Variants in ABHD12 observed in about 807,000 individuals in gnomAD.
ABHD12 encodes abhydrolase domain containing 12, lysophospholipase.
A neutral mutation model predicts 58.3 loss-of-function variants in ABHD12; 43 were observed. The observed-to-expected ratio is 0.74, with a 90% CI of 0.58 to 0.95. ABHD12 has a LOEUF of 0.95. Among genes scored for constraint, ABHD12 ranks in the 40% least tolerant of loss-of-function variants. The pLI, the probability that ABHD12 is intolerant of heterozygous loss-of-function variation, is 0.00. For synonymous variants in ABHD12, 219 were observed against 211.2 expected (o/e 1.04, Z -0.32); for missense variants, 539 against 537.2 (o/e 1.00, Z -0.03).
At position 25,300,797 on chromosome 20, in the gene ABHD12, A is replaced by C; in HGVS notation, c.*48T>G. 1 of 1,613,782 alleles carries C rather than the reference A, an allele frequency of 6.2e-7. No homozygotes were observed. The highest frequency in any genetic ancestry group is 1.1e-5 in the South Asian group (1 of 91,060). On this transcript the variant is annotated 3_prime_UTR_variant, in exon 13 of 13. Coordinates refer to ENST00000339157, the MANE Select transcript of ABHD12 (RefSeq NM_001042472.3). ...GGATACCGGGCTGCTGACTGGAGGA[A>C]AACGGGAGGAGGGCAGAGGTCTTCA... is the stretch of plus-strand genomic sequence containing the variant.
chr20:25,323,936 C>T (rs543844339), intron 2 of ABHD12, among the ~76,000 whole-genome samples: 1 of 152,306 alleles, frequency 6.6e-6, no homozygotes, highest in East Asian at 1.9e-4. Context: ...GGGTGGCAAA[C>T]AAGGTAAAGG....
rs547613634 is a variant in ABHD12 at position 25,386,710 on chromosome 20, G to A, written c.191+3803C>T. Reference sequence around the variant, plus strand: ...AGCCTGGTCAACATGGCAAAATCCCGTCTCCATTAAAAATACAAAAATTAG... The same window carrying A: ...AGCCTGGTCAACATGGCAAAATCCCATCTCCATTAAAAATACAAAAATTAG... On this transcript the variant is annotated intron_variant, in intron 1 of 12. Transcript: ENST00000339157. Among the ~76,000 whole-genome samples the A allele has an allele frequency of 9.9e-5, 15 of 152,000 alleles. No homozygotes were observed. In the East Asian group the frequency reaches 2.1e-3, roughly 22 times the overall value.
At chr20:25,341,068 C>G (rs1404922855) in intron 1 of ABHD12, among the ~76,000 whole-genome samples, 1 of 152,240 alleles carries the variant, frequency 6.6e-6, no homozygotes, top group Non-Finnish European at 1.5e-5. Context: ...ATATGCACAT[C>G]CGATAATGTA....
At chr20:25,304,350 AGAGGCTCTG>A (rs1398590561) in intron 10 of ABHD12, among the ~76,000 whole-genome samples, 1 of 152,218 alleles carries the variant, frequency 6.6e-6, no homozygotes, top group African/African-American at 2.4e-5. Context: ...CCCTCTCACC[AGAGGCTCTG>A]GAGGAAGCGG....
At chr20:25,340,675 A>T (rs2089443150) in intron 1 of ABHD12, among the ~76,000 whole-genome samples, 1 of 152,252 alleles carries the variant, frequency 6.6e-6, no homozygotes, top group Admixed American at 6.5e-5. Context: ...CCACATATTG[A>T]ACTGCTGATA....
chr20:25,307,061 G>T (rs1292715167), intron 9 of ABHD12, 146 bp from the exon 10 acceptor site: 2 of 686,052 alleles, frequency 2.9e-6, no homozygotes, highest in East Asian at 5.6e-5. Context: ...CATTGCCAAG[G>T]GGCCACCAGA....
chr20:25,299,903 G>GTGT (rs1192574946), downstream of ABHD12, among the ~76,000 whole-genome samples: 1 of 152,204 alleles, frequency 6.6e-6, no homozygotes, highest in East Asian at 1.9e-4. Flanking sequence ...CGTAGGAAAA[G>GTGT]TGTTTTGTAG....
intron 1 of ABHD12, among the ~76,000 whole-genome samples, chr20:25,382,576 C>T (rs1463782726): frequency 2.0e-5 from 3 of 152,100 alleles, no homozygotes; most frequent in Admixed American, 6.6e-5. Flanking sequence ...GTTGCAGCAG[C>T]GGGAGTCTGA....
chr20:25,327,792 T>C (rs1242341165), intron 2 of ABHD12, among the ~76,000 whole-genome samples: 4 of 152,118 alleles, frequency 2.6e-5, no homozygotes, highest in Non-Finnish European at 5.9e-5. Context: ...CCTCCCCAAA[T>C]TGCTCCTGGT....
At position 25,343,354 on chromosome 20, in the gene ABHD12, AAGCTC is replaced by A. The variant is rs759765025; in HGVS notation, c.192-4008_192-4004del. ...ACAATCTCTTTTTAACTTATCCTAT[AAGCTC>A]AGCATTACCCTAAATCAGACAAAGA... On this transcript the variant is annotated intron_variant, in intron 1 of 12. Transcript: ENST00000339157. 1.1e-3 allele frequency among the ~76,000 whole-genome samples: 166 copies of A among 152,346 alleles called. 3 individuals are homozygous for A. Among genetic ancestry groups the A allele is most frequent in the Non-Finnish European group, 3.1e-4 (21 of 68,038 alleles).
chr20:25,328,157 A>T (rs6050532), intron 2 of ABHD12, among the ~76,000 whole-genome samples: 83,483 of 151,840 alleles, frequency 0.55, 23,568 homozygotes, highest in Admixed American at 0.62. Flanking sequence ...TATCCTGGCA[A>T]TGGGACCCGG....
chr20:25,315,020 T>C (rs2088933952), intron 5 of ABHD12, 50 bp from the exon 6 acceptor site: 1 of 1,599,586 alleles, frequency 6.3e-7, no homozygotes, highest in African/African-American at 1.3e-5. Flanking sequence ...AGCATCTGTA[T>C]TGAGGGCAGC....
At chr20:25,296,565 G>GCTGA (rs1265580335), downstream of ABHD12, 3 of 1,578,238 alleles carry the variant, frequency 1.9e-6, no homozygotes, top group Admixed American at 5.2e-5. Flanking sequence ...TTGTTTTCTT[G>GCTGA]CTGACTTTGC....
intron 1 of ABHD12, among the ~76,000 whole-genome samples, chr20:25,377,370 T>C (rs1451531191): frequency 1.3e-5 from 2 of 152,212 alleles, no homozygotes; most frequent in African/African-American, 4.8e-5. Context: ...GTTTTTTGTT[T>C]CTATAATTAA....
chr20:25,361,737 C>T (rs1442142334), intron 1 of ABHD12, among the ~76,000 whole-genome samples: 5 of 151,810 alleles, frequency 3.3e-5, no homozygotes, highest in African/African-American at 4.8e-5. Flanking sequence ...GGGTGGATCA[C>T]GAGGTCAGGA....
chr20:25,294,905 A>G, exon 13 of ABHD12: 1 of 1,556,692 alleles, frequency 6.4e-7, no homozygotes, highest in Non-Finnish European at 8.7e-7. Context: ...CTCCACTTTC[A>G]GCTGCCTTTG....
In ABHD12 at chr20:25,348,293, TA is replaced by T. The variant is rs1195853646; in HGVS notation, c.192-8943del. On this transcript the variant is annotated intron_variant, in intron 1 of 12. Coordinates refer to ENST00000339157, the MANE Select transcript of ABHD12 (RefSeq NM_001042472.3). ...CGAGAAAAGGCAAGAAATAGACTAA[TA>T]AGTTTTGGGCTAGAAAGAGAATATG... Among the ~76,000 whole-genome samples the T allele has an allele frequency of 2.6e-5, 4 of 151,902 alleles. No individual in the cohort carries two copies. In the East Asian group the frequency reaches 7.7e-4, roughly 29 times the overall value.
chr20:25,340,078 T>C (rs1330312033), intron 1 of ABHD12, among the ~76,000 whole-genome samples: 14 of 152,230 alleles, frequency 9.2e-5, no homozygotes, highest in Admixed American at 8.5e-4. Context: ...TCAGGACTTC[T>C]CTACAGTACA....
intron 1 of ABHD12, among the ~76,000 whole-genome samples, chr20:25,362,532 C>T (rs2089764062): frequency 6.8e-6 from 1 of 146,674 alleles, no homozygotes; most frequent in South Asian, 2.2e-4. Context: ...CGCCACTGCA[C>T]TCCAGCCTAG....
Sources: allele counts gnomAD v4.1 joint callset (sites outside exome capture counted in the v4.1 genomes callset), GRCh38; gene constraint gnomAD v4.1.1; transcripts MANE v1.5; gene names NCBI Gene and HGNC (gene_info 2026-07-23, HGNC 2026-07-21).